SOX6: variants seen among roughly 807,000 people sequenced by gnomAD.
The protein encoded by SOX6 is transcription factor SOX-6.
Under a neutral mutation model 97.8 loss-of-function variants are expected in SOX6, and 11 were observed. The observed-to-expected ratio is 0.11, with a 90% confidence interval of 0.07 to 0.19. The LOEUF is 0.19. Among genes scored for constraint, SOX6 ranks in the 10% least tolerant of loss-of-function variants. SOX6 has a pLI of 1.00. For synonymous variants in SOX6, 360 were observed against 371.4 expected, an observed-to-expected ratio of 0.97 and a Z score of 0.35; for missense variants, 810 against 1,039.5, an observed-to-expected ratio of 0.78 and a Z score of 3.04.
chr11:16,287,514 G>A (rs376942688), intron 3 of SOX6, among the ~76,000 whole-genome samples: 4 of 151,952 alleles, frequency 2.6e-5, no homozygotes, highest in South Asian at 2.1e-4. Flanking sequence ...CATGTTGAAC[G>A]GAAACATAGA....
intron 12 of SOX6, among the ~76,000 whole-genome samples, chr11:16,034,272 G>T (rs538735017): frequency 2.2e-4 from 34 of 152,254 alleles, no homozygotes; most frequent in African/African-American, 7.5e-4. Flanking sequence ...AGGCCATTGC[G>T]CAATGCATTT....
chr11:16,338,038 C>T (rs1856515560), intron 2 of SOX6, among the ~76,000 whole-genome samples: 1 of 152,004 alleles, frequency 6.6e-6, no homozygotes, highest in Non-Finnish European at 1.5e-5. Context: ...CCTTCCTGTA[C>T]CCAAGAGATA....
intron 15 of SOX6, among the ~76,000 whole-genome samples, chr11:15,980,038 T>C (rs1853612822): frequency 6.6e-6 from 1 of 151,970 alleles, no homozygotes; most frequent in Non-Finnish European, 1.5e-5. Context: ...ATACATAGGA[T>C]GAATGAATGA....
chr11:16,212,134 G>A (rs978762145), intron 4 of SOX6, among the ~76,000 whole-genome samples: 2 of 152,178 alleles, frequency 1.3e-5, no homozygotes, highest in Non-Finnish European at 2.9e-5. Flanking sequence ...ACTGTAAACA[G>A]ATATGAGGCC....
intron 4 of SOX6, among the ~76,000 whole-genome samples, chr11:16,528,905 A>G (rs148232191): frequency 6.6e-6 from 1 of 152,072 alleles, no homozygotes; most frequent in Admixed American, 6.6e-5. Context: ...AGCTGCCTGA[A>G]TACTACTATG....
At chr11:16,587,992 C>T (rs1453295318) in intron 4 of SOX6, among the ~76,000 whole-genome samples, 1 of 152,178 alleles carries the variant, frequency 6.6e-6, no homozygotes, top group Non-Finnish European at 1.5e-5. Flanking sequence ...TCTCATTAGA[C>T]ACTTTAGGTT....
rs1021763262 is a variant in SOX6, at chr11:16,000,195, C to CA, written c.1733-10966dup. On this transcript the variant is annotated intron_variant, in intron 13 of 15. Coordinates refer to ENST00000683767, the MANE Select transcript of SOX6 (RefSeq NM_001367873.1). ...GGATTTCAAATTTGATTTCTTCTTG[C>CA]AAAAAAAAAGAAAAAGGATTTGGCT... 9.4e-5 allele frequency among the ~76,000 whole-genome samples: 14 copies of CA among 149,062 alleles called. 1 individual carries two copies. In the East Asian group the frequency reaches 1.4e-3, roughly 15 times the overall value.
intron 4 of SOX6, among the ~76,000 whole-genome samples, chr11:16,229,466 C>A (rs1277989774): frequency 6.6e-6 from 1 of 151,762 alleles, no homozygotes; most frequent in African/African-American, 2.4e-5. Flanking sequence ...TGAAAAGCAG[C>A]AGAATTGACA....
chr11:16,600,057 TA>T (rs1237983993), intron 4 of SOX6, among the ~76,000 whole-genome samples: 2 of 152,236 alleles, frequency 1.3e-5, no homozygotes, highest in Non-Finnish European at 2.9e-5. Flanking sequence ...TGGACTGGCA[TA>T]AATGTTTGTA....
intron 1 of SOX6, among the ~76,000 whole-genome samples, chr11:16,451,125 G>A (rs948730855): frequency 6.6e-6 from 1 of 151,966 alleles, no homozygotes; most frequent in Admixed American, 6.6e-5. Context: ...CCAGCTGCTT[G>A]GGAGGCTGAG....
At position 16,529,245 on chromosome 11, in the gene SOX6, T is replaced by A. The variant is rs184251537; in HGVS notation, n.610-52857A>T. Among the ~76,000 whole-genome samples the A allele has an allele frequency of 1.6e-4, 24 of 152,196 alleles. No homozygotes were observed. The East Asian group carries it at 4.1e-3, about 26-fold the overall frequency. Reference sequence around the variant, plus strand: ...GTCTAACCATCAGGTAAATAATAATTAGAGTTATAGAAGCACCATAGGATA... The same window carrying A: ...GTCTAACCATCAGGTAAATAATAATAAGAGTTATAGAAGCACCATAGGATA... On this transcript the variant is annotated intron_variant and non_coding_transcript_variant, in intron 4 of 5. Transcript: ENST00000524520.
At chr11:16,718,814 CATAAT>C (rs1051240517) in intron 2 of SOX6, among the ~76,000 whole-genome samples, 9 of 151,780 alleles carry the variant, frequency 5.9e-5, no homozygotes, top group African/African-American at 1.9e-4. Context: ...TTTTTCAGCA[CATAAT>C]ATAGGTACTT....
intron 4 of SOX6, among the ~76,000 whole-genome samples, chr11:16,533,334 A>G (rs541209623): frequency 8.5e-4 from 129 of 152,056 alleles, no homozygotes; most frequent in African/African-American, 3.1e-3. Flanking sequence ...GAAAAACTGA[A>G]TAACCCCTAA....
intron 2 of SOX6, among the ~76,000 whole-genome samples, chr11:16,339,083 C>T (rs1029125436): frequency 6.6e-6 from 1 of 151,968 alleles, no homozygotes; most frequent in South Asian, 2.1e-4. Flanking sequence ...TCTCTCTAGC[C>T]ACTCTTCCTT....
intron 6 of SOX6, among the ~76,000 whole-genome samples, chr11:16,123,047 T>A (rs576787239): frequency 9.9e-4 from 150 of 152,184 alleles, no homozygotes; most frequent in African/African-American, 3.3e-3. Context: ...CAAGATTTTT[T>A]AATGGCTGAG....
chr11:16,226,047 T>C (rs2134164018), intron 4 of SOX6, among the ~76,000 whole-genome samples: 1 of 152,278 alleles, frequency 6.6e-6, no homozygotes, highest in African/African-American at 2.4e-5. Context: ...TTTTCAGACA[T>C]ATTAGTTGAG....
intron 1 of SOX6, among the ~76,000 whole-genome samples, chr11:16,409,156 T>C (rs1169858648): frequency 6.6e-6 from 1 of 152,054 alleles, no homozygotes; most frequent in Non-Finnish European, 1.5e-5. Context: ...ACCATAGGCC[T>C]GCCAAAAAGT....
intron 3 of SOX6, among the ~76,000 whole-genome samples, chr11:16,651,434 C>G (rs1847652555): frequency 6.6e-6 from 1 of 152,020 alleles, no homozygotes; most frequent in African/African-American, 2.4e-5. Flanking sequence ...CCATGATCAA[C>G]TGGGTTTGAT....
In SOX6 at chr11:16,180,101, G is replaced by A. The variant is rs1851308743; in HGVS notation, c.777+3785C>T. On this transcript the variant is annotated intron_variant, in intron 6 of 15. Transcript: ENST00000683767. ...TCAAAACCATGGCCTGGTCAAATGA[G>A]GTTAGATGAATAAATATGTGAAAAA... 2.0e-5 allele frequency among the ~76,000 whole-genome samples: 3 copies of A among 151,432 alleles called. No homozygotes were observed. The South Asian group carries it at 6.2e-4, about 31-fold the overall frequency.
Sources: gnomAD v4.1 joint callset for allele counts (sites outside exome capture counted in the v4.1 genomes callset) on GRCh38, gnomAD v4.1.1 for gene constraint, MANE v1.5 for transcripts, NCBI Gene and HGNC (gene_info 2026-07-23, HGNC 2026-07-21) for gene names.